Variants in SYT16 observed in about 807,000 individuals in gnomAD.
SYT16 encodes synaptotagmin-16.
A neutral mutation model predicts 61.4 loss-of-function variants in SYT16; 42 were observed. The ratio of observed to expected loss-of-function variants is 0.68; its 90% CI spans 0.53 to 0.89. The LOEUF (loss-of-function observed/expected upper bound fraction) is 0.89. Among genes scored for constraint, SYT16 ranks in the 40% least tolerant of loss-of-function variants. The pLI, the probability that SYT16 is intolerant of heterozygous loss-of-function variation, is 0.00. For synonymous variants in SYT16, 314 were observed against 302.3 expected, an observed-to-expected ratio of 1.04 and a Z score of -0.40; for missense variants, 804 against 807.3, an observed-to-expected ratio of 1.00 and a Z score of 0.05.
Position 62,082,386 on chromosome 14 carries a change from C to T in SYT16, c.1434+1112C>T, listed in dbSNP as rs145784283. 4.3e-3 allele frequency among the ~76,000 whole-genome samples: 661 copies of T among 152,280 alleles called. 6 individuals are homozygous for T. The highest frequency in any genetic ancestry group is 0.015 in the African/African-American group (629 of 41,560). ...TCCCCCTGCAGTCTTCTCCATGTTG[C>T]TTAAAGGCAGTTGCATTCTTCCAAT... is the stretch of plus-strand genomic sequence containing the variant. On this transcript the variant is annotated intron_variant, in intron 6 of 7. Transcript: ENST00000683842.
At chr14:61,874,447 A>G (rs896349418) in intron 1 of SYT16, among the ~76,000 whole-genome samples, 1 of 152,166 alleles carries the variant, frequency 6.6e-6, no homozygotes, top group Non-Finnish European at 1.5e-5. Flanking sequence ...TGAGGGGGTG[A>G]TGGTTCCTAG....
rs2047112954 is a variant in SYT16 at position 61,865,327 on chromosome 14, C to G, written c.-325+52517C>G. ...ACGCAGGGATGCGGAGAGCCTGAAG[C>G]TCTTAGGAGAAGCAGTCCGGAAAGG... On this transcript the variant is annotated intron_variant, in intron 1 of 7. Coordinates refer to ENST00000683842, the MANE Select transcript of SYT16 (RefSeq NM_001367656.1). 7 of 708,920 alleles carry G rather than the reference C, an allele frequency of 9.9e-6. No homozygotes were observed. The South Asian group carries it at 1.0e-4, about 10-fold the overall frequency. The allele number at this position is 708,920 out of a possible 1,614,324, so 43.9% of individuals were successfully genotyped here.
intron 5 of SYT16, chr14:62,079,576 G>A (rs900396311): frequency 1.8e-5 from 3 of 163,582 alleles, no homozygotes; most frequent in Non-Finnish European, 4.1e-5. Context: ...CAGACTATGT[G>A]GGAAAGTTTC....
intron 3 of SYT16, among the ~76,000 whole-genome samples, chr14:62,042,971 T>C (rs972167738): frequency 2.0e-5 from 3 of 152,216 alleles, no homozygotes; most frequent in Admixed American, 6.5e-5. Flanking sequence ...AACCATTGTT[T>C]ATGCCCCCAT....
intron 3 of SYT16, among the ~76,000 whole-genome samples, chr14:62,048,415 T>C (rs2055101776): frequency 6.6e-6 from 1 of 152,224 alleles, no homozygotes. Context: ...TGTTGATCTT[T>C]TCAAAAAACC....
intron 1 of SYT16, among the ~76,000 whole-genome samples, chr14:61,927,805 GT>G (rs2049595679): frequency 6.6e-6 from 1 of 152,164 alleles, no homozygotes; most frequent in African/African-American, 2.4e-5. Flanking sequence ...AGAGCAAGAA[GT>G]CATTATGACT....
Position 62,084,123 on chromosome 14 carries a change from A to G in SYT16, c.1435-73A>G, listed in dbSNP as rs929459059. 2.6e-6 allele frequency: 4 copies of G among 1,523,828 alleles called. No homozygotes were observed. The African/African-American group carries it at 4.2e-5, about 16-fold the overall frequency. The allele number at this position is 1,523,828 out of a possible 1,614,324, so 94.4% of individuals were successfully genotyped here. A position where few individuals can be genotyped will look rare whatever the true frequency, so the allele number is the denominator to read the frequency against. On this transcript the variant is annotated intron_variant, in intron 6 of 7. Coordinates refer to ENST00000683842, the MANE Select transcript of SYT16 (RefSeq NM_001367656.1). Reference sequence around the variant, plus strand: ...GGATTGGGTCACAATTTCACCAAACATAATATCGGCTTTCTCTAAAAGAGA... The same window carrying G: ...GGATTGGGTCACAATTTCACCAAACGTAATATCGGCTTTCTCTAAAAGAGA...
At chr14:61,842,280 C>G (rs913896232) in intron 1 of SYT16, among the ~76,000 whole-genome samples, 1 of 152,122 alleles carries the variant, frequency 6.6e-6, no homozygotes, top group South Asian at 2.1e-4. Flanking sequence ...TGAATACTTT[C>G]TACTTTTTTG....
At chr14:62,053,019 G>C (rs539410991) in intron 3 of SYT16, among the ~76,000 whole-genome samples, 1 of 152,188 alleles carries the variant, frequency 6.6e-6, no homozygotes, top group Non-Finnish European at 1.5e-5. Context: ...CTTTGGAACC[G>C]GGTAATGGGT....
intron 1 of SYT16, among the ~76,000 whole-genome samples, chr14:61,901,379 C>G (rs1039272904): frequency 2.6e-5 from 4 of 152,156 alleles, no homozygotes; most frequent in Non-Finnish European, 4.4e-5. Context: ...ATCCTCCCAG[C>G]CATCTTTGTT....
chr14:62,061,707 A>G (rs1566809971), intron 3 of SYT16, among the ~76,000 whole-genome samples: 1 of 152,196 alleles, frequency 6.6e-6, no homozygotes, highest in African/African-American at 2.4e-5. Flanking sequence ...CAAAATTGTA[A>G]GTGTGTATGC....
intron 3 of SYT16, among the ~76,000 whole-genome samples, chr14:62,015,122 A>T (rs905665804): frequency 6.6e-6 from 1 of 152,114 alleles, no homozygotes; most frequent in African/African-American, 2.4e-5. Context: ...TTCCTCTTCT[A>T]TGTTCCGATA....
rs138910113 is a variant in SYT16 at position 62,067,674 on chromosome 14, C to T, written c.524-1929C>T. On this transcript the variant is annotated intron_variant, in intron 3 of 7. Transcript: ENST00000683842. ...TTGCTGGGAATGTACATGGTGGCAG[C>T]TGTTATGGAAAACAGTATAGAGGTT... Among the ~76,000 whole-genome samples, 385 of 152,306 alleles carry T rather than the reference C, an allele frequency of 2.5e-3. 1 individual carries two copies. Among genetic ancestry groups the T allele is most frequent in the African/African-American group, 9.0e-3 (372 of 41,556 alleles).
chr14:61,821,944 C>G (rs758412089), intron 1 of SYT16, among the ~76,000 whole-genome samples: 1 of 152,098 alleles, frequency 6.6e-6, no homozygotes, highest in African/African-American at 2.4e-5. Context: ...TCAGGGTTCT[C>G]CAGAGGGACA....
chr14:62,012,226 T>A (rs530038842), intron 3 of SYT16, among the ~76,000 whole-genome samples: 17 of 152,260 alleles, frequency 1.1e-4, no homozygotes, highest in Middle Eastern at 3.4e-3. Context: ...CTGGGCTGCA[T>A]CCTCATCTGG....
At position 62,104,340 on chromosome 14, in the gene SYT16, A is replaced by G. The variant is rs2057476818; in HGVS notation, c.*3633A>G. On this transcript the variant is annotated 3_prime_UTR_variant, in exon 8 of 8. Coordinates refer to ENST00000683842, the MANE Select transcript of SYT16 (RefSeq NM_001367656.1). ...GAACACGCATGTGGTATCTCCTTTTACTTTTGAGGAAACTGTGGTTAAAGA... is the reference window on the plus strand; with the variant it reads ...GAACACGCATGTGGTATCTCCTTTTGCTTTTGAGGAAACTGTGGTTAAAGA... 1.3e-5 allele frequency: 2 copies of G among 151,696 alleles called. No individual in the cohort carries two copies. Among genetic ancestry groups the G allele is most frequent in the African/African-American group, 4.8e-5 (2 of 41,432 alleles). 9.4% of individuals were successfully genotyped at this position (151,696 alleles called of 1,614,324 possible). A position where few individuals can be genotyped will look rare whatever the true frequency, so the allele number is the denominator to read the frequency against.
intron 3 of SYT16, among the ~76,000 whole-genome samples, chr14:62,017,516 A>C (rs541054756): frequency 6.6e-6 from 1 of 152,326 alleles, no homozygotes; most frequent in East Asian, 1.9e-4. Flanking sequence ...TTCCACAATT[A>C]TGCTTATCTC....
intron 4 of SYT16, 107 bp downstream of exon 4, chr14:62,069,922 A>G (rs2056232648): frequency 1.5e-6 from 2 of 1,292,422 alleles, no homozygotes; most frequent in Non-Finnish European, 2.1e-6. Context: ...CAGAGAGGAA[A>G]AGAAAATGAG....
intron 3 of SYT16, among the ~76,000 whole-genome samples, chr14:62,000,859 T>G (rs2052986030): frequency 6.6e-6 from 1 of 152,166 alleles, no homozygotes; most frequent in Non-Finnish European, 1.5e-5. Context: ...TGATGTCATA[T>G]ATTTTAGTCT....
Sources: gnomAD v4.1 joint callset for allele counts (sites outside exome capture counted in the v4.1 genomes callset) on GRCh38, gnomAD v4.1.1 for gene constraint, MANE v1.5 for transcripts, NCBI Gene and HGNC (gene_info 2026-07-23, HGNC 2026-07-21) for gene names.